The following ATG10 variants were observed in gnomAD, a reference collection of about 807,000 sequenced individuals.
ATG10 encodes autophagy related 10.
ATG10 carries 30 observed loss-of-function variants against 32.1 expected under a neutral mutation model. The ratio of observed to expected loss-of-function variants is 0.94; its 90% CI spans 0.70 to 1.27. The LOEUF is 1.27. Among genes scored for constraint, ATG10 ranks in the 50% most tolerant of loss-of-function variants. The pLI is 0.00. For missense variants in ATG10, 233 were observed against 262.3 expected (o/e 0.89, Z 0.77); for synonymous variants, 87 against 91.5 (o/e 0.95, Z 0.28).
intron 5 of ATG10, chr5:82,242,918 TAACA>T (rs1222845119): frequency 2.3e-6 from 1 of 429,106 alleles, no homozygotes; most frequent in Non-Finnish European, 4.6e-6. Context: ...GGGTAAATTT[TAACA>T]AACATTGAGC....
At chr5:82,196,326 T>C (rs1302415188) in intron 5 of ATG10, among the ~76,000 whole-genome samples, 2 of 152,168 alleles carry the variant, frequency 1.3e-5, no homozygotes, top group African/African-American at 4.8e-5. Context: ...TCCCATTCCA[T>C]TGGTTGTCTT....
chr5:82,211,386 T>C (rs142057186), intron 5 of ATG10, among the ~76,000 whole-genome samples: 1 of 152,148 alleles, frequency 6.6e-6, no homozygotes, highest in South Asian at 2.1e-4. Flanking sequence ...CCTCCACTCA[T>C]CTAGCCCTAC....
In ATG10 at chr5:82,189,918, C is replaced by G. The variant is rs116698854; in HGVS notation, c.453+11331C>G. On this transcript the variant is annotated intron_variant, in intron 5 of 7. Coordinates refer to ENST00000282185, the MANE Select transcript of ATG10 (RefSeq NM_031482.5). ...GGGATTACAGGCATGAGCCACTGCA[C>G]CTGGCCGTTTTTAATTTGAATAACT... 5.5e-3 allele frequency among the ~76,000 whole-genome samples: 845 copies of G among 152,296 alleles called. 7 individuals carry two copies. The highest frequency in any genetic ancestry group is 0.019 in the African/African-American group (808 of 41,556).
At chr5:82,154,969 G>A (rs1324526769) in intron 3 of ATG10, among the ~76,000 whole-genome samples, 2 of 152,204 alleles carry the variant, frequency 1.3e-5, no homozygotes, top group Non-Finnish European at 2.9e-5. Context: ...GAGGGCCTGT[G>A]CTTTAGGATT....
intron 4 of ATG10, among the ~76,000 whole-genome samples, chr5:82,166,424 C>T: frequency 1.3e-5 from 2 of 152,232 alleles, no homozygotes; most frequent in Admixed American, 1.3e-4. Flanking sequence ...TGTTCAGGTA[C>T]ATTAAAATAT....
chr5:82,133,749 A>G (rs980744935), intron 3 of ATG10, among the ~76,000 whole-genome samples: 1 of 152,062 alleles, frequency 6.6e-6, no homozygotes, highest in Admixed American at 6.6e-5. Context: ...AGTTTTTTCT[A>G]AGTCTGTGAA....
intron 2 of ATG10, among the ~76,000 whole-genome samples, chr5:81,999,992 TGAG>T (rs1254303700): frequency 6.6e-6 from 1 of 151,660 alleles, no homozygotes; most frequent in African/African-American, 2.4e-5. Context: ...TCCAAAAACT[TGAG>T]GAGAAGAGAA....
At chr5:82,077,013 G>A (rs758935850) in intron 3 of ATG10, among the ~76,000 whole-genome samples, 2 of 152,138 alleles carry the variant, frequency 1.3e-5, no homozygotes, top group Non-Finnish European at 2.9e-5. Flanking sequence ...TGTCTTCAGG[G>A]AGAAGGGAGA....
chr5:82,018,527 C>T (rs1210955761), intron 2 of ATG10, among the ~76,000 whole-genome samples: 1 of 152,176 alleles, frequency 6.6e-6, no homozygotes, highest in African/African-American at 2.4e-5. Flanking sequence ...ATAAACTGTG[C>T]AGTTTGCTTC....
rs138075882 is a variant in ATG10 at position 82,131,940 on chromosome 5, A to G, written c.217-32459A>G. 1.3e-3 allele frequency among the ~76,000 whole-genome samples: 201 copies of G among 152,206 alleles called. 1 individual carries two copies. Among genetic ancestry groups the G allele is most frequent in the Middle Eastern group, 3.4e-3 (1 of 294 alleles). On this transcript the variant is annotated intron_variant, in intron 3 of 7. Transcript: ENST00000282185. ...GGCAAAGAGGGAACAGGCATGTCAC[A>G]TGGCAAAGCAGGAATAAGAGAGAGA...
chr5:82,013,087 G>A (rs1273240258), intron 2 of ATG10, among the ~76,000 whole-genome samples: 1 of 151,064 alleles, frequency 6.6e-6, no homozygotes, highest in Non-Finnish European at 1.5e-5. Flanking sequence ...TCAGCCTCCC[G>A]AGTAGTTGGG....
At chr5:82,047,722 T>C (rs904885310) in intron 2 of ATG10, among the ~76,000 whole-genome samples, 1 of 152,046 alleles carries the variant, frequency 6.6e-6, no homozygotes, top group Non-Finnish European at 1.5e-5. Flanking sequence ...ATACTACTCA[T>C]AGGAAGTCAG....
At chr5:82,071,874 A>G (rs1764142997) in intron 3 of ATG10, among the ~76,000 whole-genome samples, 1 of 152,146 alleles carries the variant, frequency 6.6e-6, no homozygotes, top group African/African-American at 2.4e-5. Context: ...TTCCTGTTCA[A>G]GTTAGCAGGG....
At chr5:82,048,676 T>C (rs1172965794) in intron 2 of ATG10, among the ~76,000 whole-genome samples, 1 of 151,914 alleles carries the variant, frequency 6.6e-6, no homozygotes, top group Non-Finnish European at 1.5e-5. Context: ...ATCCAGAATC[T>C]ACAATGGACT....
At chr5:82,084,794 T>A (rs1764611993) in intron 3 of ATG10, among the ~76,000 whole-genome samples, 1 of 152,132 alleles carries the variant, frequency 6.6e-6, no homozygotes, top group Non-Finnish European at 1.5e-5. Flanking sequence ...AGAGATTTTG[T>A]CACCACCAGG....
intron 5 of ATG10, among the ~76,000 whole-genome samples, chr5:82,180,414 A>C (rs750417597): frequency 6.6e-6 from 1 of 152,162 alleles, no homozygotes; most frequent in African/African-American, 2.4e-5. Context: ...CTGAAATCCA[A>C]ATCTGTAGAC....
rs527865503 is a variant in ATG10, at chr5:82,015,335, G to A, written c.108+27657G>A. On this transcript the variant is annotated intron_variant, in intron 2 of 7. Transcript: ENST00000282185. The stretch of plus-strand genomic sequence containing the variant: ...GTTGCTCTTCTCGAGGAGTATCTTT[G>A]TGGCATTCTCTGTATTTCCTGAATT... 1.5e-4 allele frequency among the ~76,000 whole-genome samples: 23 copies of A among 152,298 alleles called. No homozygotes were observed. In the East Asian group the frequency reaches 2.5e-3, roughly 17 times the overall value.
In ATG10 at chr5:82,212,535, TA is replaced by T. The variant is rs775493560; in HGVS notation, c.453+33950del. On this transcript the variant is annotated intron_variant, in intron 5 of 7. Coordinates refer to ENST00000282185, the MANE Select transcript of ATG10 (RefSeq NM_031482.5). The stretch of plus-strand genomic sequence containing the variant: ...TATTTGAAAAGATACTCAAGTTCAC[TA>T]ATAAAAAGAGTAATACAAATTAATA... Among the ~76,000 whole-genome samples, 9 of 152,302 alleles carry T rather than the reference TA, an allele frequency of 5.9e-5. No homozygotes were observed. In the East Asian group the frequency reaches 1.5e-3, roughly 26 times the overall value.
intron 2 of ATG10, among the ~76,000 whole-genome samples, chr5:81,996,578 C>T (rs1490453682): frequency 1.3e-5 from 2 of 152,214 alleles, no homozygotes; most frequent in African/African-American, 4.8e-5. Flanking sequence ...ATGCTCTAGA[C>T]TCCAGGGCCC....
Sources: gnomAD v4.1 joint callset for allele counts (sites outside exome capture counted in the v4.1 genomes callset) on GRCh38, gnomAD v4.1.1 for gene constraint, MANE v1.5 for transcripts, NCBI Gene and HGNC (gene_info 2026-07-23, HGNC 2026-07-21) for gene names.